Variants in FHOD3 observed in about 807,000 individuals in gnomAD.
FHOD3 encodes FH1/FH2 domain-containing protein 3.
In FHOD3, 90 loss-of-function variants were observed where a neutral mutation model predicts 173.0. That is an observed-to-expected ratio of 0.52 (90% CI 0.44 to 0.62). The LOEUF (loss-of-function observed/expected upper bound fraction) is 0.62. Ranked by LOEUF, FHOD3 falls within the 20% of genes least tolerant of loss-of-function variation. The pLI, the probability that FHOD3 is intolerant of heterozygous loss-of-function variation, is 0.00. For synonymous variants in FHOD3, 828 were observed against 823.0 expected, an observed-to-expected ratio of 1.01 and a Z score of -0.10; for missense variants, 1,945 against 2,034.7, an observed-to-expected ratio of 0.96 and a Z score of 0.85.
At chr18:36,339,414 T>A (rs1050602910) in intron 1 of FHOD3, among the ~76,000 whole-genome samples, 2 of 152,196 alleles carry the variant, frequency 1.3e-5, no homozygotes, top group Non-Finnish European at 2.9e-5. Context: ...ACGAGTGTAG[T>A]TGCACAGGGC....
chr18:36,365,601 T>A (rs1471121240), intron 2 of FHOD3, among the ~76,000 whole-genome samples: 1 of 152,194 alleles, frequency 6.6e-6, no homozygotes, highest in Non-Finnish European at 1.5e-5. Flanking sequence ...TAGATTGTAA[T>A]GACTGTATAA....
chr18:36,688,958 C>T (rs966607972), intron 16 of FHOD3, among the ~76,000 whole-genome samples: 2 of 152,228 alleles, frequency 1.3e-5, no homozygotes, highest in South Asian at 2.1e-4. Flanking sequence ...TCTTTGCTCC[C>T]AGGCTGCCCA....
At chr18:36,724,125 T>G (rs1392117711) in intron 19 of FHOD3, among the ~76,000 whole-genome samples, 2 of 152,260 alleles carry the variant, frequency 1.3e-5, no homozygotes, top group East Asian at 3.9e-4. Flanking sequence ...TTTAATTTGT[T>G]CTATCCGAAA....
intron 14 of FHOD3, among the ~76,000 whole-genome samples, chr18:36,675,340 T>C (rs685435): frequency 0.49 from 74,363 of 151,674 alleles, 18,344 homozygotes; most frequent in East Asian, 0.56. Context: ...TTCATACAGT[T>C]GGCATCTTTT....
At chr18:36,748,378 ACACAAC>A (rs2042247406) in intron 24 of FHOD3, among the ~76,000 whole-genome samples, 1 of 121,070 alleles carries the variant, frequency 8.3e-6, no homozygotes, top group African/African-American at 4.2e-5. Context: ...ACACACACAC[ACACAAC>A]ACACACACAC....
chr18:36,769,245 T>C lies in FHOD3; in HGVS notation c.4625-20T>C. 1 of 1,613,424 alleles carries C rather than the reference T, an allele frequency of 6.2e-7. No homozygotes were observed. Among genetic ancestry groups the C allele is most frequent in the Non-Finnish European group, 8.5e-7 (1 of 1,179,586 alleles). On this transcript the variant is annotated intron_variant, in intron 27 of 28. Transcript: ENST00000590592. The stretch of plus-strand genomic sequence containing the variant: ...TTTTCCTTCTGAGTATGTTGTGCAC[T>C]CTGGCTGTTTAATTTTTAGGATCCA...
chr18:36,723,146 C>T (rs1354858702), intron 19 of FHOD3, among the ~76,000 whole-genome samples: 2 of 152,192 alleles, frequency 1.3e-5, no homozygotes, highest in Non-Finnish European at 2.9e-5. Flanking sequence ...TTCCTCTCTC[C>T]TGGGTCTCTG....
chr18:36,584,516 C>G (rs1422562012), intron 6 of FHOD3, among the ~76,000 whole-genome samples: 1 of 152,186 alleles, frequency 6.6e-6, no homozygotes, highest in Non-Finnish European at 1.5e-5. Context: ...TTGAATTGCA[C>G]TATTGTCTTA....
At chr18:36,596,198 A>G (rs1015318499) in intron 7 of FHOD3, among the ~76,000 whole-genome samples, 3 of 151,950 alleles carry the variant, frequency 2.0e-5, no homozygotes, top group Non-Finnish European at 2.9e-5. Flanking sequence ...TCCGTCGCCC[A>G]GGCTGGAGTG....
intron 2 of FHOD3, among the ~76,000 whole-genome samples, chr18:36,359,278 C>G (rs1205247410): frequency 1.3e-5 from 2 of 152,172 alleles, no homozygotes. Flanking sequence ...TTGTCCATTA[C>G]CCTGCACTTT....
At chr18:36,344,230 G>T (rs772660546) in intron 1 of FHOD3, among the ~76,000 whole-genome samples, 1 of 152,184 alleles carries the variant, frequency 6.6e-6, no homozygotes, top group Non-Finnish European at 1.5e-5. Context: ...AATTATTATA[G>T]ATAGAAGCAC....
intron 3 of FHOD3, among the ~76,000 whole-genome samples, chr18:36,408,885 G>A (rs951047318): frequency 2.0e-5 from 3 of 152,222 alleles, no homozygotes; most frequent in Admixed American, 6.5e-5. Flanking sequence ...GTGAATAAGT[G>A]TGTGAGCAAT....
chr18:36,752,942 AATATC>A, intron 24 of FHOD3, among the ~76,000 whole-genome samples: 1 of 152,324 alleles, frequency 6.6e-6, no homozygotes, highest in Middle Eastern at 3.4e-3. Flanking sequence ...GTCCTATCCT[AATATC>A]ATATCATATA....
At chr18:36,700,852 G>A (rs555926395) in intron 17 of FHOD3, among the ~76,000 whole-genome samples, 1 of 152,314 alleles carries the variant, frequency 6.6e-6, no homozygotes, top group East Asian at 1.9e-4. Context: ...AAAATGCCAT[G>A]CTCTGTGCTT....
Position 36,709,375 on chromosome 18 carries a change from C to G in FHOD3, c.2517C>G (p.Ser839=). 2 of 1,613,380 alleles carry G rather than the reference C, an allele frequency of 1.2e-6. No individual in the cohort carries two copies. The highest frequency in any genetic ancestry group is 1.7e-6 in the Non-Finnish European group (2 of 1,179,528). Residue 839 remains serine (S), a synonymous_variant, in exon 18 of 29, where the codon TCC becomes TCG. Coordinates refer to ENST00000590592, the MANE Select transcript of FHOD3 (RefSeq NM_001281740.3). ...GGGAGGAGAAGGAGGACAAGCTCTCCAGGGACAGGACAACTGGTAAATGAA... is the reference window on the plus strand; with the variant it reads ...GGGAGGAGAAGGAGGACAAGCTCTCGAGGGACAGGACAACTGGTAAATGAA... The part of the protein sequence containing the change: ...LEREEKEDKL[S]RDRTTGLWPA...
chr18:36,649,472 C>T, intron 11 of FHOD3, 67 bp downstream of exon 11: 1 of 1,285,210 alleles, frequency 7.8e-7, no homozygotes, highest in Non-Finnish European at 1.1e-6. Context: ...TGATAGTTCA[C>T]TGCCTTCTAG....
chr18:36,714,939 C>T (rs1306600060), intron 18 of FHOD3, among the ~76,000 whole-genome samples: 1 of 152,180 alleles, frequency 6.6e-6, no homozygotes, highest in Non-Finnish European at 1.5e-5. Context: ...ATCCCCCTGT[C>T]AATGCCTCCT....
chr18:36,641,425 G>A (rs1386188519), intron 10 of FHOD3, among the ~76,000 whole-genome samples: 1 of 152,220 alleles, frequency 6.6e-6, no homozygotes, highest in Admixed American at 6.5e-5. Flanking sequence ...TGTTGCACAA[G>A]GGAATGTCAT....
intron 5 of FHOD3, among the ~76,000 whole-genome samples, chr18:36,518,611 TCTAA>T (rs2056115263): frequency 6.6e-6 from 1 of 152,156 alleles, no homozygotes; most frequent in Admixed American, 6.5e-5. Flanking sequence ...GTGTGCCCTA[TCTAA>T]CAGGTTTAAA....
Sources: allele counts gnomAD v4.1 joint callset (sites outside exome capture counted in the v4.1 genomes callset), GRCh38; gene constraint gnomAD v4.1.1; transcripts MANE v1.5; gene names NCBI Gene and HGNC (gene_info 2026-07-23, HGNC 2026-07-21).